Variants in ROBO2 observed in about 807,000 individuals in gnomAD.
The protein encoded by ROBO2 is roundabout homolog 2.
A neutral mutation model predicts 160.8 loss-of-function variants in ROBO2; 53 were observed. That is an observed-to-expected ratio of 0.33 (90% CI 0.26 to 0.41). The LOEUF is 0.41. ROBO2 is among the 10% of genes least tolerant of loss of function. The pLI is 1.00. For synonymous variants in ROBO2, 664 were observed against 611.7 expected, an observed-to-expected ratio of 1.09 and a Z score of -1.26; for missense variants, 1,577 against 1,722.4, an observed-to-expected ratio of 0.92 and a Z score of 1.49.
At chr3:77,209,084 G>C (rs898404788) in intron 2 of ROBO2, among the ~76,000 whole-genome samples, 12 of 152,066 alleles carry the variant, frequency 7.9e-5, no homozygotes, top group African/African-American at 2.9e-4. Context: ...ATCTTCTAAA[G>C]TAAATAAAGA....
chr3:76,630,750 T>TA (rs1262736202), intron 2 of ROBO2, among the ~76,000 whole-genome samples: 2 of 152,202 alleles, frequency 1.3e-5, no homozygotes, highest in Admixed American at 6.5e-5. Flanking sequence ...CAATATCTTT[T>TA]AAAAAATAAA....
chr3:76,013,352 C>T (rs866845888), intron 2 of ROBO2, among the ~76,000 whole-genome samples: 20 of 127,900 alleles, frequency 1.6e-4, no homozygotes, highest in African/African-American at 3.1e-4. Flanking sequence ...GTGGTGTATG[C>T]GTGTAATCCC....
intron 2 of ROBO2, among the ~76,000 whole-genome samples, chr3:77,196,997 A>G (rs2082371645): frequency 6.9e-6 from 1 of 145,148 alleles, no homozygotes; most frequent in Non-Finnish European, 1.6e-5. Context: ...GAGAAAAAAA[A>G]AACAAGAAAA....
At chr3:77,416,932 G>A (rs1012265103) in intron 2 of ROBO2, among the ~76,000 whole-genome samples, 6 of 152,080 alleles carry the variant, frequency 3.9e-5, no homozygotes, top group South Asian at 2.1e-4. Flanking sequence ...GTAGATTGCC[G>A]AGGATGAGAC....
chr3:76,395,409 TAAAAG>T (rs2077380930), intron 2 of ROBO2, among the ~76,000 whole-genome samples: 1 of 146,546 alleles, frequency 6.8e-6, no homozygotes, highest in Non-Finnish European at 1.5e-5. Context: ...ACATCACAAT[TAAAAG>T]AACTAGAAAA....
intron 2 of ROBO2, among the ~76,000 whole-genome samples, chr3:76,819,252 C>G (rs977647647): frequency 1.3e-5 from 2 of 152,026 alleles, no homozygotes; most frequent in African/African-American, 2.4e-5. Flanking sequence ...CGATATTTAA[C>G]TTGAGATCTG....
intron 2 of ROBO2, among the ~76,000 whole-genome samples, chr3:76,864,663 G>A (rs562595112): frequency 2.6e-4 from 39 of 152,144 alleles, no homozygotes; most frequent in African/African-American, 9.1e-4. Context: ...TAAAGAAAAA[G>A]CAGTTTAGCT....
intron 2 of ROBO2, among the ~76,000 whole-genome samples, chr3:75,966,087 A>G (rs187411498): frequency 5.1e-4 from 77 of 151,846 alleles, no homozygotes; most frequent in Non-Finnish European, 2.7e-4. Flanking sequence ...TAACTTGACT[A>G]TTATACAAAT....
intron 1 of ROBO2, among the ~76,000 whole-genome samples, chr3:77,079,333 T>C (rs1329121530): frequency 6.6e-6 from 1 of 152,210 alleles, no homozygotes; most frequent in African/African-American, 2.4e-5. Context: ...ATAATGTTAA[T>C]GAGACTGACG....
intron 2 of ROBO2, among the ~76,000 whole-genome samples, chr3:76,684,478 A>G (rs1360270892): frequency 1.3e-5 from 2 of 152,072 alleles, no homozygotes; most frequent in African/African-American, 4.8e-5. Context: ...GCAATACTAA[A>G]TTGATTTTAG....
At chr3:76,013,144 G>A (rs896752018) in intron 2 of ROBO2, among the ~76,000 whole-genome samples, 7 of 150,110 alleles carry the variant, frequency 4.7e-5, no homozygotes, top group African/African-American at 1.7e-4. Context: ...ATGTATAAAG[G>A]CAATTGGAGG....
At chr3:77,617,223 A>T (rs2094799581) in intron 21 of ROBO2, among the ~76,000 whole-genome samples, 1 of 115,106 alleles carries the variant, frequency 8.7e-6, no homozygotes, top group African/African-American at 2.9e-5. Flanking sequence ...GTTTTTCCAC[A>T]TGAGTAAGTT....
chr3:77,593,974 AT>A (rs1005827861), intron 17 of ROBO2, among the ~76,000 whole-genome samples: 1 of 152,016 alleles, frequency 6.6e-6, no homozygotes, highest in Non-Finnish European at 1.5e-5. Context: ...TGAAAATAGT[AT>A]TTTTTTTCCT....
chr3:75,930,253 G>C (rs1342520176), intron 1 of ROBO2, among the ~76,000 whole-genome samples: 3 of 152,048 alleles, frequency 2.0e-5, no homozygotes, highest in Non-Finnish European at 2.9e-5. Context: ...CTCCTTGCCA[G>C]CTCATTGGCT....
chr3:77,267,242 C>T (rs963008928), intron 2 of ROBO2, among the ~76,000 whole-genome samples: 3 of 152,044 alleles, frequency 2.0e-5, no homozygotes, highest in Admixed American at 6.6e-5. Flanking sequence ...TACACGTAAG[C>T]GGTAGTCAAA....
At chr3:76,455,477 G>A (rs1026199002) in intron 2 of ROBO2, among the ~76,000 whole-genome samples, 1 of 151,964 alleles carries the variant, frequency 6.6e-6, no homozygotes, top group African/African-American at 2.4e-5. Flanking sequence ...ATAATAAAAT[G>A]TATTTTTATT....
At chr3:77,171,053 C>T (rs901435066) in intron 2 of ROBO2, among the ~76,000 whole-genome samples, 2 of 152,078 alleles carry the variant, frequency 1.3e-5, no homozygotes, top group Non-Finnish European at 2.9e-5. Flanking sequence ...CTGGTCGATT[C>T]TTGAGCTGTT....
chr3:77,207,819 T>C (rs1446202436), intron 2 of ROBO2, among the ~76,000 whole-genome samples: 1 of 152,196 alleles, frequency 6.6e-6, no homozygotes, highest in Non-Finnish European at 1.5e-5. Flanking sequence ...CTCTCACTAC[T>C]TTGAGTGAAG....
At chr3:76,322,611 C>T (rs2072658722) in intron 2 of ROBO2, among the ~76,000 whole-genome samples, 1 of 151,990 alleles carries the variant, frequency 6.6e-6, no homozygotes, top group South Asian at 2.1e-4. Flanking sequence ...ATGTTTTTCC[C>T]AAGCACAAAT....
Sources: allele counts gnomAD v4.1 joint callset (sites outside exome capture counted in the v4.1 genomes callset), GRCh38; gene constraint gnomAD v4.1.1; transcripts MANE v1.5; gene names NCBI Gene and HGNC (gene_info 2026-07-23, HGNC 2026-07-21).